OPCML: variants seen among roughly 807,000 people sequenced by gnomAD.
OPCML encodes the protein opioid-binding protein/cell adhesion molecule.
Under a neutral mutation model 37.8 loss-of-function variants are expected in OPCML, and 13 were observed. The ratio of observed to expected loss-of-function variants is 0.34; its 90% CI spans 0.22 to 0.55. OPCML has a LOEUF of 0.55. Ranked by LOEUF, OPCML falls within the 20% of genes least tolerant of loss-of-function variation. OPCML has a pLI of 0.91. For missense variants in OPCML, 341 were observed against 435.6 expected, an observed-to-expected ratio of 0.78 and a Z score of 1.93; for synonymous variants, 176 against 168.8, an observed-to-expected ratio of 1.04 and a Z score of -0.33.
intron 3 of OPCML, among the ~76,000 whole-genome samples, chr11:132,613,010 C>G (rs982060894): frequency 2.0e-5 from 3 of 152,078 alleles, no homozygotes; most frequent in African/African-American, 4.8e-5. Context: ...TATTCCTGGA[C>G]GATGTCACAT....
chr11:133,054,317 C>T (rs926046875), intron 1 of OPCML, among the ~76,000 whole-genome samples: 1 of 152,152 alleles, frequency 6.6e-6, no homozygotes, highest in Non-Finnish European at 1.5e-5. Flanking sequence ...AGTCAGATGG[C>T]ATTTATGTCA....
intron 1 of OPCML, among the ~76,000 whole-genome samples, chr11:133,003,156 T>C (rs1403192904): frequency 1.3e-5 from 2 of 152,252 alleles, no homozygotes; most frequent in African/African-American, 4.8e-5. Context: ...AATGGTATTG[T>C]ATCAGCTTCC....
chr11:133,041,387 G>C (rs1231910370), intron 1 of OPCML, among the ~76,000 whole-genome samples: 1 of 152,146 alleles, frequency 6.6e-6, no homozygotes, highest in Non-Finnish European at 1.5e-5. Context: ...TTATGGCTGG[G>C]AGCTGCCTCT....
At chr11:132,774,219 A>G (rs1946738887) in intron 2 of OPCML, among the ~76,000 whole-genome samples, 1 of 152,172 alleles carries the variant, frequency 6.6e-6, no homozygotes, top group Non-Finnish European at 1.5e-5. Context: ...TGCAGTGCTG[A>G]TGGGTTCAAA....
intron 4 of OPCML, among the ~76,000 whole-genome samples, chr11:132,524,448 C>T (rs1272133571): frequency 2.6e-5 from 4 of 152,140 alleles, no homozygotes; most frequent in African/African-American, 4.8e-5. Flanking sequence ...ACCATACCCT[C>T]TAGCAGATCT....
rs75331309 is a variant in OPCML at position 132,516,495 on chromosome 11, G to A, written c.505+12566C>T. 7.5e-3 allele frequency among the ~76,000 whole-genome samples: 1,138 copies of A among 152,082 alleles called. 7 individuals are homozygous for A. Among genetic ancestry groups the A allele is most frequent in the African/African-American group, 0.025 (1,055 of 41,466 alleles). On this transcript the variant is annotated intron_variant, in intron 4 of 7. Transcript: ENST00000524381. ...CCCATTCAATAGTCACTTTTTGATC[G>A]CCTGCAAAATGTAAGTCATTTGTGT...
At chr11:133,144,856 G>A (rs1411169224) in intron 1 of OPCML, among the ~76,000 whole-genome samples, 1 of 152,182 alleles carries the variant, frequency 6.6e-6, no homozygotes, top group African/African-American at 2.4e-5. Flanking sequence ...CCAAATTCAA[G>A]CAATGAATCA....
At chr11:133,194,629 T>C (rs942448576) in intron 1 of OPCML, among the ~76,000 whole-genome samples, 2 of 152,168 alleles carry the variant, frequency 1.3e-5, no homozygotes, top group African/African-American at 4.8e-5. Flanking sequence ...GCCCTTTCCA[T>C]CTCCGATACG....
At chr11:133,195,768 G>A (rs1314386043) in intron 1 of OPCML, among the ~76,000 whole-genome samples, 2 of 152,118 alleles carry the variant, frequency 1.3e-5, no homozygotes, top group African/African-American at 4.8e-5. Flanking sequence ...AAGGACTAGG[G>A]ACACATTTGT....
intron 4 of OPCML, among the ~76,000 whole-genome samples, chr11:132,464,492 G>A (rs2096113533): frequency 6.6e-6 from 1 of 152,162 alleles, no homozygotes; most frequent in Admixed American, 6.5e-5. Context: ...TCTAATGTCT[G>A]GAATATGGCC....
intron 2 of OPCML, among the ~76,000 whole-genome samples, chr11:132,926,972 G>A (rs561780041): frequency 1.3e-5 from 2 of 152,144 alleles, no homozygotes; most frequent in African/African-American, 4.8e-5. Context: ...AACAATCAGT[G>A]AACTTGAAGA....
chr11:132,432,204 G>A (rs1213748468), intron 7 of OPCML, among the ~76,000 whole-genome samples: 1 of 152,124 alleles, frequency 6.6e-6, no homozygotes, highest in Non-Finnish European at 1.5e-5. Context: ...GATAAATATA[G>A]TACTTACTTC....
At chr11:133,529,680 G>A (rs956610277) in intron 1 of OPCML, among the ~76,000 whole-genome samples, 1 of 152,214 alleles carries the variant, frequency 6.6e-6, no homozygotes, top group Non-Finnish European at 1.5e-5. Context: ...ACCAGGTCAA[G>A]GTTCCATTAT....
intron 7 of OPCML, among the ~76,000 whole-genome samples, chr11:132,429,139 C>A (rs2095988071): frequency 6.6e-6 from 1 of 151,986 alleles, no homozygotes; most frequent in African/African-American, 2.4e-5. Flanking sequence ...CTGGTGGATG[C>A]AGGGAAGGTT....
chr11:133,152,875 CTT>C (rs11361893), intron 1 of OPCML, among the ~76,000 whole-genome samples: 3,643 of 147,780 alleles, frequency 0.025, 144 homozygotes, highest in African/African-American at 0.083. Context: ...TCAGGTTATC[CTT>C]TTTTTTTTTT....
intron 3 of OPCML, among the ~76,000 whole-genome samples, chr11:132,592,495 T>TG (rs2096486113): frequency 6.6e-6 from 1 of 152,234 alleles, no homozygotes; most frequent in Admixed American, 6.5e-5. Context: ...CTGGTGACTG[T>TG]CCAGGCCCAG....
intron 1 of OPCML, among the ~76,000 whole-genome samples, chr11:133,240,457 G>A (rs372510785): frequency 6.6e-6 from 1 of 152,110 alleles, no homozygotes; most frequent in African/African-American, 2.4e-5. Flanking sequence ...GTGTTAGAGT[G>A]TGATGTCTTT....
intron 1 of OPCML, among the ~76,000 whole-genome samples, chr11:133,497,196 T>C (rs1947805061): frequency 6.6e-6 from 1 of 152,310 alleles, no homozygotes; most frequent in East Asian, 1.9e-4. Context: ...TTGGAGTCTT[T>C]GTTCATATTT....
intron 1 of OPCML, among the ~76,000 whole-genome samples, chr11:133,002,777 GA>G (rs199708090): frequency 3.5e-3 from 146 of 42,152 alleles, no homozygotes; most frequent in South Asian, 8.1e-3. Context: ...AAAGGAAAGA[GA>G]GGGGGGGGTG....
Sources: allele counts gnomAD v4.1 joint callset (sites outside exome capture counted in the v4.1 genomes callset), GRCh38; gene constraint gnomAD v4.1.1; transcripts MANE v1.5; gene names NCBI Gene and HGNC (gene_info 2026-07-23, HGNC 2026-07-21).